Variants in DNAH17 observed in about 807,000 individuals in gnomAD.
DNAH17 encodes the protein dynein axonemal heavy chain 17.
A neutral mutation model predicts 485.6 loss-of-function variants in DNAH17; 376 were observed. That is an observed-to-expected ratio of 0.77 (90% confidence interval 0.71 to 0.84). The LOEUF (loss-of-function observed/expected upper bound fraction) is 0.84, where lower values mean the gene tolerates loss of function less well. Ranked by LOEUF, DNAH17 falls within the 40% of genes least tolerant of loss-of-function variation. The probability of loss-of-function intolerance (pLI) is 0.00; values close to 1 mark genes in which losing one functional copy is unlikely to be tolerated. For missense variants in DNAH17, 6,370 were observed against 5,839.3 expected, an observed-to-expected ratio of 1.09 and a Z score of -2.96; for synonymous variants, 3,031 against 2,405.9, an observed-to-expected ratio of 1.26 and a Z score of -7.60.
chr17:78,558,512 GAT>G (rs2092078847), intron 13 of DNAH17, among the ~76,000 whole-genome samples: 3 of 148,272 alleles, frequency 2.0e-5, no homozygotes, highest in African/African-American at 7.9e-5. Flanking sequence ...CTCATGGGTG[GAT>G]GACATCACCC....
At chr17:78,474,990 T>A in intron 54 of DNAH17, among the ~76,000 whole-genome samples, 1 of 149,004 alleles carries the variant, frequency 6.7e-6, no homozygotes, top group African/African-American at 2.5e-5. Flanking sequence ...TTCACACGCT[T>A]CACCTCAGTC....
At chr17:78,568,819 C>A (rs1264636857) in intron 9 of DNAH17, among the ~76,000 whole-genome samples, 2 of 152,208 alleles carry the variant, frequency 1.3e-5, no homozygotes, top group Admixed American at 6.5e-5. Context: ...TGCACGGGGG[C>A]CTTCATAAGT....
intron 61 of DNAH17, 84 bp from the exon 62 acceptor site, chr17:78,458,764 G>T: frequency 7.7e-7 from 1 of 1,292,166 alleles, no homozygotes; most frequent in Non-Finnish European, 1.1e-6. Flanking sequence ...TGGGCCCTGT[G>T]AGCGCTGAGC....
intron 25 of DNAH17, among the ~76,000 whole-genome samples, chr17:78,515,734 T>A (rs945532857): frequency 2.0e-5 from 3 of 152,188 alleles, no homozygotes; most frequent in Non-Finnish European, 2.9e-5. Flanking sequence ...AAATACAGCC[T>A]GCACTGTGGA....
intron 12 of DNAH17, 137 bp from the exon 13 acceptor site, chr17:78,561,072 T>G: frequency 1.2e-6 from 1 of 803,904 alleles, no homozygotes. Flanking sequence ...AGACTGAATA[T>G]GCAAACAAGC....
intron 14 of DNAH17, among the ~76,000 whole-genome samples, chr17:78,556,946 G>A (rs1351586288): frequency 1.3e-5 from 2 of 152,176 alleles, no homozygotes; most frequent in African/African-American, 4.8e-5. Flanking sequence ...ATTGCCCTCC[G>A]GTTCCCGACT....
chr17:78,567,255 G>A, intron 9 of DNAH17, 89 bp from the exon 10 acceptor site: 1 of 1,418,682 alleles, frequency 7.0e-7, no homozygotes, highest in Non-Finnish European at 9.6e-7. Context: ...CAGGCAGGAG[G>A]AGCTGGGGAG....
chr17:78,492,059 T>C (rs918885483), intron 42 of DNAH17, among the ~76,000 whole-genome samples: 1 of 151,874 alleles, frequency 6.6e-6, no homozygotes, highest in Non-Finnish European at 1.5e-5. Context: ...GGAAAGCGGG[T>C]CAGGGGTAGG....
chr17:78,526,305 A>C (rs533535362), intron 24 of DNAH17, among the ~76,000 whole-genome samples: 2 of 152,198 alleles, frequency 1.3e-5, no homozygotes, highest in Non-Finnish European at 2.9e-5. Context: ...GAAGCTGCTG[A>C]ATGTGAACAG....
Position 78,490,701 on chromosome 17 carries a change from G to T in DNAH17, c.6816C>A (p.Asn2272Lys), listed in dbSNP as rs747469098. The stretch of plus-strand genomic sequence containing the variant: ...AGGAAAGCCAAAGCCCCACTCACGG[G>T]TTCCATCCCAGGTCGGCTGGGTTGA... ...LYINPADLGWNPVVSSWIERR... is the reference protein window; with the variant it reads ...LYINPADLGWKPVVSSWIERR... Residue 2272 changes from asparagine (N) to lysine (K), a missense_variant and splice_region_variant, in exon 44 of 81, where the codon AAC (asparagine) becomes AAA (lysine). By Grantham distance (94) the Asn-to-Lys change is moderately conservative. Transcript: ENST00000389840. 5.0e-6 allele frequency: 8 copies of T among 1,606,538 alleles called. No homozygotes were observed. Among genetic ancestry groups the T allele is most frequent in the African/African-American group, 1.3e-5 (1 of 74,828 alleles).
rs966478604 is a variant in DNAH17 at position 78,558,143 on chromosome 17, C to T, written c.2143G>A (p.Gly715Ser). The change falls in exon 14 of 81, where the codon GGC (glycine) becomes AGC (serine). Residue 715 changes from glycine to serine, a missense_variant. Coordinates refer to ENST00000389840, the MANE Select transcript of DNAH17 (RefSeq NM_173628.4). ...SENETFRKFV[G>S]NLELIVGWYN... is the part of the protein sequence containing the mutation. The stretch of plus-strand genomic sequence containing the variant: ...CAGCCAACGATGAGCTCCAGGTTGC[C>T]CACAAACTTCCGGAAAGTTTCGTTC... 1 of 1,613,776 alleles carries T rather than the reference C, an allele frequency of 6.2e-7. No homozygotes were observed. The highest frequency in any genetic ancestry group is 1.7e-5 in the Admixed American group (1 of 59,998).
intron 1 of DNAH17, among the ~76,000 whole-genome samples, chr17:78,575,661 C>T (rs915434065): frequency 5.9e-5 from 9 of 152,108 alleles, no homozygotes; most frequent in Non-Finnish European, 1.2e-4. Flanking sequence ...CTAAAAGAAT[C>T]GAGCTGCAAA....
chr17:78,527,438 A>G (rs1352152244), intron 22 of DNAH17, among the ~76,000 whole-genome samples: 1 of 152,168 alleles, frequency 6.6e-6, no homozygotes, highest in Non-Finnish European at 1.5e-5. Flanking sequence ...GGACATTGAC[A>G]TTGGTGTCTC....
chr17:78,570,278 A>T lies in DNAH17; in HGVS notation c.1013T>A (p.Leu338Gln). The T allele has an allele frequency of 6.3e-7, 1 of 1,595,260 alleles. No individual in the cohort carries two copies. The highest frequency in any genetic ancestry group is 1.8e-5 in the Admixed American group (1 of 56,744). ...GATGATTTGGTTGCAGAACTCCTGC[A>T]GGATGACGATGATCCTGGCAGGTGT... ...YNTPARIIVI[L>Q]QEFCNQIIEM... The change falls in exon 7 of 81, where the codon CTG becomes CAG. Residue 338 changes from leucine to glutamine, a missense_variant. Transcript: ENST00000389840.
chr17:78,526,415 G>A (rs1011348985), intron 24 of DNAH17, among the ~76,000 whole-genome samples: 1 of 152,142 alleles, frequency 6.6e-6, no homozygotes, highest in Non-Finnish European at 1.5e-5. Context: ...TGAGCTGCGA[G>A]ACACAGAGGG....
At chr17:78,525,291 A>G (rs2091037983) in intron 24 of DNAH17, 130 bp from the exon 25 acceptor site, 9 of 1,345,034 alleles carry the variant, frequency 6.7e-6, no homozygotes, top group East Asian at 2.5e-5. Context: ...GTGTCCATAC[A>G]ACGGTGTCCC....
chr17:78,517,772 G>A (rs2090827213), intron 25 of DNAH17, among the ~76,000 whole-genome samples: 1 of 152,224 alleles, frequency 6.6e-6, no homozygotes, highest in Non-Finnish European at 1.5e-5. Context: ...CCAAGATGGA[G>A]CAGCCCTGTT....
rs997738605 is a variant in DNAH17 at position 78,465,174 on chromosome 17, C to T, written c.8940+1481G>A. 5.9e-5 allele frequency among the ~76,000 whole-genome samples: 9 copies of T among 152,218 alleles called. No homozygotes were observed. In the South Asian group the frequency reaches 6.2e-4, roughly 10 times the overall value. Reference sequence around the variant, plus strand: ...CTCCAGCCCCTAACCGCAAGTGATCCGCCAGCCTCGGCCTCCCGAGGTGCC... The same window carrying T: ...CTCCAGCCCCTAACCGCAAGTGATCTGCCAGCCTCGGCCTCCCGAGGTGCC... On this transcript the variant is annotated intron_variant, in intron 56 of 80. Transcript: ENST00000389840.
intron 24 of DNAH17, 109 bp from the exon 25 acceptor site, chr17:78,525,270 T>C: frequency 6.9e-7 from 1 of 1,441,118 alleles, no homozygotes; most frequent in South Asian, 1.3e-5. Context: ...TGATAAACCT[T>C]CTGGGAGGAG....
Sources: gnomAD v4.1 joint callset for allele counts (sites outside exome capture counted in the v4.1 genomes callset) on GRCh38, gnomAD v4.1.1 for gene constraint, MANE v1.5 for transcripts, NCBI Gene and HGNC (gene_info 2026-07-23, HGNC 2026-07-21) for gene names.